Variants in DGKB observed in about 807,000 individuals in gnomAD.
DGKB encodes diacylglycerol kinase beta, also known as 90 kDa diacylglycerol kinase.
Under a neutral mutation model 114.3 loss-of-function variants are expected in DGKB, and 67 were observed. The observed-to-expected ratio is 0.59, with a 90% CI of 0.48 to 0.72. DGKB has a LOEUF of 0.72. Among genes scored for constraint, DGKB ranks in the 30% least tolerant of loss-of-function variants. The pLI is 0.00. For synonymous variants in DGKB, 398 were observed against 323.1 expected (o/e 1.23, Z -2.49); for missense variants, 907 against 975.2 (o/e 0.93, Z 0.93).
At chr7:14,551,133 A>T (rs1008497438) in intron 20 of DGKB, among the ~76,000 whole-genome samples, 1 of 152,172 alleles carries the variant, frequency 6.6e-6, no homozygotes, top group Non-Finnish European at 1.5e-5. Context: ...CACTGGCAGA[A>T]TAAGAGGCTC....
At chr7:14,470,532 C>A (rs1190832306) in intron 21 of DGKB, among the ~76,000 whole-genome samples, 1 of 151,730 alleles carries the variant, frequency 6.6e-6, no homozygotes, top group Non-Finnish European at 1.5e-5. Context: ...ATTTAAAAAT[C>A]AATTGTACTC....
At chr7:14,743,120 A>T (rs1289568524) in intron 4 of DGKB, among the ~76,000 whole-genome samples, 1 of 152,198 alleles carries the variant, frequency 6.6e-6, no homozygotes, top group East Asian at 1.9e-4. Context: ...TAAGAATCTT[A>T]CCTCATGGTC....
intron 1 of DGKB, among the ~76,000 whole-genome samples, chr7:14,964,575 C>T (rs1350987434): frequency 6.6e-6 from 1 of 152,004 alleles, no homozygotes; most frequent in African/African-American, 2.4e-5. Context: ...TTAGTAAAGG[C>T]CAGTAAATCA....
chr7:14,580,809 A>G (rs1011630527), intron 19 of DGKB, 53 bp downstream of exon 19: 4 of 1,247,974 alleles, frequency 3.2e-6, no homozygotes, highest in Non-Finnish European at 4.5e-6. Context: ...TTGTTTTGCA[A>G]GGGAAAGGGG....
At chr7:14,447,449 T>C (rs1423322767) in intron 21 of DGKB, among the ~76,000 whole-genome samples, 2 of 152,130 alleles carry the variant, frequency 1.3e-5, no homozygotes, top group Non-Finnish European at 2.9e-5. Flanking sequence ...CATTAATTTA[T>C]TGATATGGGT....
chr7:14,746,901 T>C (rs1201536908), intron 4 of DGKB, among the ~76,000 whole-genome samples: 1 of 152,164 alleles, frequency 6.6e-6, no homozygotes, highest in Admixed American at 6.5e-5. Flanking sequence ...ATAACATTTC[T>C]GTGTCAGATA....
intron 2 of DGKB, among the ~76,000 whole-genome samples, chr7:14,794,657 G>T (rs1841150070): frequency 6.6e-6 from 1 of 152,124 alleles, no homozygotes; most frequent in Non-Finnish European, 1.5e-5. Flanking sequence ...GCATTATCTT[G>T]CAACTGGCTG....
intron 23 of DGKB, among the ~76,000 whole-genome samples, chr7:14,304,888 G>C (rs9655112): frequency 0.025 from 3,808 of 152,182 alleles, 133 homozygotes; most frequent in African/African-American, 0.086. Flanking sequence ...GACAGAAGCA[G>C]TTTTAGCTTT....
At chr7:14,860,519 T>C (rs776749992) in intron 1 of DGKB, among the ~76,000 whole-genome samples, 2 of 151,980 alleles carry the variant, frequency 1.3e-5, no homozygotes, top group Non-Finnish European at 2.9e-5. Flanking sequence ...ATTTTAAAAA[T>C]GGTATTTTAC....
At chr7:14,572,742 A>G (rs1798581488) in intron 20 of DGKB, among the ~76,000 whole-genome samples, 1 of 152,176 alleles carries the variant, frequency 6.6e-6, no homozygotes, top group African/African-American at 2.4e-5. Context: ...AAAGGGAAAC[A>G]ATATTTATAC....
intron 23 of DGKB, among the ~76,000 whole-genome samples, chr7:14,299,788 T>A (rs186401878): frequency 1.5e-4 from 23 of 152,156 alleles, no homozygotes; most frequent in Admixed American, 1.5e-3. Context: ...TTGTTACACA[T>A]CCCTGTAAGG....
chr7:14,446,254 C>G (rs1344362713), intron 21 of DGKB, among the ~76,000 whole-genome samples: 3 of 152,060 alleles, frequency 2.0e-5, no homozygotes, highest in Non-Finnish European at 4.4e-5. Context: ...GCTACTTAAC[C>G]AATGTTTCAT....
chr7:14,885,664 G>A (rs572674161), intron 1 of DGKB, among the ~76,000 whole-genome samples: 11 of 151,908 alleles, frequency 7.2e-5, no homozygotes, highest in Admixed American at 2.0e-4. Flanking sequence ...TAGGACTTGC[G>A]TCAATTGATG....
At chr7:14,639,982 T>C (rs1811443651) in intron 13 of DGKB, among the ~76,000 whole-genome samples, 1 of 152,176 alleles carries the variant, frequency 6.6e-6, no homozygotes, top group Non-Finnish European at 1.5e-5. Flanking sequence ...TCTACACACC[T>C]GCACAAACAT....
chr7:14,958,446 C>T (rs1179150484), intron 1 of DGKB, among the ~76,000 whole-genome samples: 1 of 150,740 alleles, frequency 6.6e-6, no homozygotes. Flanking sequence ...CACACACACA[C>T]ACACACACAC....
intron 2 of DGKB, among the ~76,000 whole-genome samples, chr7:14,768,449 A>T (rs1337320088): frequency 6.8e-6 from 1 of 146,962 alleles, no homozygotes; most frequent in Non-Finnish European, 1.5e-5. Context: ...TGATTCTATG[A>T]TAGTGCATAT....
intron 23 of DGKB, among the ~76,000 whole-genome samples, chr7:14,221,236 T>C (rs891497654): frequency 8.6e-5 from 13 of 151,450 alleles, no homozygotes; most frequent in African/African-American, 3.1e-4. Context: ...ATAAAAGTGA[T>C]GTAAATGGAT....
At chr7:14,396,144 G>C (rs975295608) in intron 21 of DGKB, among the ~76,000 whole-genome samples, 1 of 151,864 alleles carries the variant, frequency 6.6e-6, no homozygotes, top group African/African-American at 2.4e-5. Flanking sequence ...TTATAGGTTA[G>C]GAATTAATAT....
chr7:14,584,774 T>G (rs1472574722), intron 17 of DGKB, among the ~76,000 whole-genome samples: 1 of 152,068 alleles, frequency 6.6e-6, no homozygotes, highest in African/African-American at 2.4e-5. Flanking sequence ...TTCTCCTGCC[T>G]CAGCCTCCCA....
Sources: gnomAD v4.1 joint callset for allele counts (sites outside exome capture counted in the v4.1 genomes callset) on GRCh38, gnomAD v4.1.1 for gene constraint, MANE v1.5 for transcripts, NCBI Gene and HGNC (gene_info 2026-07-23, HGNC 2026-07-21) for gene names.